DOCK3: variants seen among roughly 807,000 people sequenced by gnomAD.
DOCK3 encodes dedicator of cytokinesis 3.
A neutral mutation model predicts 265.6 loss-of-function variants in DOCK3; 60 were observed. The observed-to-expected ratio is 0.23, with a 90% confidence interval of 0.18 to 0.28. The LOEUF is 0.28. DOCK3 is among the 10% of genes least tolerant of loss of function. DOCK3 has a pLI of 1.00. For missense variants in DOCK3, 1,981 were observed against 2,594.3 expected (o/e 0.76, Z 5.14); for synonymous variants, 881 against 938.0 (o/e 0.94, Z 1.11).
At position 51,202,051 on chromosome 3, in the gene DOCK3, A is replaced by G. The variant is rs549863078; in HGVS notation, c.1038-6723A>G. 4.6e-5 allele frequency among the ~76,000 whole-genome samples: 7 copies of G among 152,284 alleles called. No individual in the cohort carries two copies. The East Asian group carries it at 5.8e-4, about 13-fold the overall frequency. ...TGTAGAGGGAAATTTATAGCATTCA[A>G]TGCCCACAAAAGAAAGCAGGAAAGA... On this transcript the variant is annotated intron_variant, in intron 12 of 52. Transcript: ENST00000266037.
intron 35 of DOCK3, among the ~76,000 whole-genome samples, chr3:51,334,921 T>C (rs910155109): frequency 1.3e-5 from 2 of 152,258 alleles, no homozygotes; most frequent in South Asian, 4.2e-4. Context: ...AATGGTGGTA[T>C]CTACAAAAAG....
intron 27 of DOCK3, among the ~76,000 whole-genome samples, chr3:51,291,479 C>T (rs1039169993): frequency 1.4e-4 from 21 of 152,052 alleles, no homozygotes; most frequent in Admixed American, 4.6e-4. Context: ...AATTATATGC[C>T]GGCAGATTGG....
rs1303737921 is a variant in DOCK3 at position 51,381,696 on chromosome 3, C to T, written c.*137C>T. ...CAGGAGAGAACCACCCCCAAGTCTC[C>T]GTTCTACTGCCGTGAACTCATGTGT... On this transcript the variant is annotated 3_prime_UTR_variant, in exon 53 of 53. Coordinates refer to ENST00000266037, the MANE Select transcript of DOCK3 (RefSeq NM_004947.5). The surrounding 1 kb of genome is among the most constrained non-coding windows in gnomAD (Gnocchi z 5.6). 14 of 1,227,110 alleles carry T rather than the reference C, an allele frequency of 1.1e-5. No individual in the cohort carries two copies. In the South Asian group the frequency reaches 1.5e-4, roughly 13 times the overall value. 76.0% of individuals were successfully genotyped at this position (1,227,110 alleles called of 1,614,324 possible). A position where few individuals can be genotyped will look rare whatever the true frequency, so the allele number is the denominator to read the frequency against.
rs574407126 is a variant in DOCK3 at position 51,157,505 on chromosome 3, C to T, written c.829-1739C>T. ...AAGCGATCCTCCCACCTCGGCCTCC[C>T]AGAGTGCTGGGATTACAGACATATG... On this transcript the variant is annotated intron_variant, in intron 10 of 52. Transcript: ENST00000266037. Among the ~76,000 whole-genome samples the T allele has an allele frequency of 2.7e-3, 416 of 152,332 alleles. 2 individuals are homozygous for T. The highest frequency in any genetic ancestry group is 9.5e-3 in the African/African-American group (396 of 41,568).
chr3:51,288,156 C>G (rs984532033), intron 27 of DOCK3, among the ~76,000 whole-genome samples: 2 of 152,166 alleles, frequency 1.3e-5, no homozygotes, highest in African/African-American at 4.8e-5. Flanking sequence ...CTTTGGGAGG[C>G]TGATGCAGGG....
In DOCK3 at chr3:51,357,964, C is replaced by T. The variant is rs759590015; in HGVS notation, c.4771C>T (p.His1591Tyr). 1.9e-5 allele frequency: 31 copies of T among 1,613,896 alleles called. No individual in the cohort carries two copies. Among genetic ancestry groups the T allele is most frequent in the Admixed American group, 3.3e-5 (2 of 60,002 alleles). The change falls in exon 46 of 53, where the codon CAT (histidine) becomes TAT (tyrosine). Residue 1591 changes from histidine (H) to tyrosine (Y), a missense_variant. Coordinates refer to ENST00000266037, the MANE Select transcript of DOCK3 (RefSeq NM_004947.5). ...QLKELMQEQV[H>Y]VLGVGLAVHE... is the part of the protein sequence containing the mutation. The stretch of plus-strand genomic sequence containing the variant: ...GCCTTGTTTGTGACTCTGATAGGTT[C>T]ATGTCCTTGGAGTTGGGCTAGCAGT...
intron 4 of DOCK3, among the ~76,000 whole-genome samples, chr3:50,892,372 C>A (rs1267212112): frequency 6.6e-6 from 1 of 152,022 alleles, no homozygotes; most frequent in Non-Finnish European, 1.5e-5. Context: ...AAGAAAAATA[C>A]CTTTATAAGA....
chr3:51,034,367 A>T (rs1321723110), intron 5 of DOCK3, among the ~76,000 whole-genome samples: 1 of 151,912 alleles, frequency 6.6e-6, no homozygotes, highest in East Asian at 1.9e-4. Flanking sequence ...ATTATAATTT[A>T]TGTATCAGCT....
intron 5 of DOCK3, among the ~76,000 whole-genome samples, chr3:51,045,838 C>A (rs1354674925): frequency 6.6e-6 from 1 of 152,088 alleles, no homozygotes; most frequent in Non-Finnish European, 1.5e-5. Context: ...GTCATTCTTA[C>A]CATGAGCATC....
chr3:51,262,728 A>G (rs778424146), intron 23 of DOCK3, among the ~76,000 whole-genome samples: 9 of 152,180 alleles, frequency 5.9e-5, no homozygotes, highest in Non-Finnish European at 1.0e-4. Context: ...AACATAAATG[A>G]CCTGATGGAG....
intron 1 of DOCK3, among the ~76,000 whole-genome samples, chr3:50,729,705 TA>T (rs2038073921): frequency 6.6e-6 from 1 of 152,002 alleles, no homozygotes; most frequent in South Asian, 2.1e-4. Flanking sequence ...TTTTTTTTAA[TA>T]GATGGGATCT....
intron 49 of DOCK3, among the ~76,000 whole-genome samples, chr3:51,363,146 G>A (rs2086862559): frequency 6.6e-6 from 1 of 152,202 alleles, no homozygotes; most frequent in African/African-American, 2.4e-5. Flanking sequence ...CAGGAGAGAT[G>A]GCTCTGTAAA....
At chr3:50,750,440 C>T (rs557735959) in intron 1 of DOCK3, among the ~76,000 whole-genome samples, 1 of 150,056 alleles carries the variant, frequency 6.7e-6, no homozygotes, top group African/African-American at 2.5e-5. Flanking sequence ...AGCTATTCTC[C>T]TGCCTCAGCC....
intron 5 of DOCK3, among the ~76,000 whole-genome samples, chr3:50,950,364 G>C (rs1010187456): frequency 2.0e-5 from 3 of 152,086 alleles, no homozygotes; most frequent in Admixed American, 2.0e-4. Flanking sequence ...TCTAAGTGTA[G>C]TAATGCCTTG....
At chr3:50,866,005 G>A (rs1401792697) in intron 3 of DOCK3, among the ~76,000 whole-genome samples, 2 of 151,794 alleles carry the variant, frequency 1.3e-5, no homozygotes, top group African/African-American at 2.4e-5. Flanking sequence ...CAGATTATTC[G>A]ATTTTTTTCC....
At chr3:50,921,381 C>T (rs113089106) in intron 4 of DOCK3, among the ~76,000 whole-genome samples, 2,338 of 152,214 alleles carry the variant, frequency 0.015, 47 homozygotes, top group African/African-American at 0.052. Flanking sequence ...GTTCTTGTGG[C>T]GTGGTTTTCA....
chr3:51,236,280 A>G (rs1480362), intron 19 of DOCK3, 65 bp from the exon 20 acceptor site: 1,033,452 of 1,222,286 alleles, frequency 0.85, 440,785 homozygotes, highest in Middle Eastern at 0.88. Flanking sequence ...AAATTCATTG[A>G]TTTATGGAAG....
intron 26 of DOCK3, chr3:51,277,956 T>C (rs555395808): frequency 6.1e-6 from 6 of 985,266 alleles, no homozygotes; most frequent in African/African-American, 1.7e-5. Flanking sequence ...CCAGGACTCT[T>C]CTTTAGGGCA....
chr3:50,706,590 C>A (rs899832411), intron 1 of DOCK3, among the ~76,000 whole-genome samples: 1 of 152,108 alleles, frequency 6.6e-6, no homozygotes, highest in African/African-American at 2.4e-5. Context: ...GGGATTGAAT[C>A]TATATGGAGA....
Sources: gnomAD v4.1 joint callset for allele counts (sites outside exome capture counted in the v4.1 genomes callset) on GRCh38, gnomAD v4.1.1 for gene constraint, Gnocchi (gnomAD v3.1) non-coding constraint, MANE v1.5 for transcripts, NCBI Gene and HGNC (gene_info 2026-07-23, HGNC 2026-07-21) for gene names.